PUS10: variants seen among roughly 807,000 people sequenced by gnomAD.
PUS10 encodes pseudouridine synthase 10, also known as tRNA pseudouridine synthase Pus10.
A neutral mutation model predicts 75.0 loss-of-function variants in PUS10; 59 were observed. The observed-to-expected ratio is 0.79, with a 90% confidence interval of 0.64 to 0.98. The LOEUF is 0.98. Ranked by LOEUF, PUS10 falls within the 50% of genes least tolerant of loss-of-function variation. PUS10 has a pLI of 0.00. For synonymous variants in PUS10, 219 were observed against 211.6 expected (o/e 1.03, Z -0.30); for missense variants, 650 against 614.4 (o/e 1.06, Z -0.61).
intron 10 of PUS10, among the ~76,000 whole-genome samples, chr2:60,960,899 C>G (rs1415354287): frequency 6.8e-6 from 1 of 147,856 alleles, no homozygotes; most frequent in African/African-American, 2.5e-5. Flanking sequence ...ATGAGTAAAG[C>G]TACAGTAAGG....
At chr2:61,002,958 T>C (rs1454863422) in intron 4 of PUS10, among the ~76,000 whole-genome samples, 1 of 152,194 alleles carries the variant, frequency 6.6e-6, no homozygotes, top group Admixed American at 6.5e-5. Context: ...TTAATCTGCT[T>C]ATGCTTCTCT....
chr2:60,977,931 C>T (rs1370445566), intron 4 of PUS10, among the ~76,000 whole-genome samples: 1 of 152,120 alleles, frequency 6.6e-6, no homozygotes, highest in Non-Finnish European at 1.5e-5. Context: ...AGTCTCTGCC[C>T]ATGAGCAAAC....
chr2:60,942,955 CAGGAGGCAG>C (rs1674705812), intron 17 of PUS10, among the ~76,000 whole-genome samples: 1 of 149,514 alleles, frequency 6.7e-6, no homozygotes, highest in East Asian at 2.0e-4. Context: ...AGCTTGAGCC[CAGGAGGCAG>C]AGGTTGCAGT....
At chr2:60,943,976 A>G (rs1332470019) in intron 17 of PUS10, among the ~76,000 whole-genome samples, 1 of 152,022 alleles carries the variant, frequency 6.6e-6, no homozygotes, top group Non-Finnish European at 1.5e-5. Flanking sequence ...AACAACAACA[A>G]AAAAACGCCA....
chr2:60,964,477 C>CTT (rs1558900475), intron 8 of PUS10, among the ~76,000 whole-genome samples: 1 of 152,082 alleles, frequency 6.6e-6, no homozygotes, highest in African/African-American at 2.4e-5. Context: ...TGACATGATA[C>CTT]GAGCTAAGAG....
chr2:60,959,631 C>T (rs190262994), intron 11 of PUS10, among the ~76,000 whole-genome samples: 4 of 152,134 alleles, frequency 2.6e-5, no homozygotes, highest in Non-Finnish European at 5.9e-5. Context: ...GCAAGTGATT[C>T]GCCCGCCTCA....
At chr2:61,003,233 G>A (rs1678967466) in intron 4 of PUS10, among the ~76,000 whole-genome samples, 1 of 152,094 alleles carries the variant, frequency 6.6e-6, no homozygotes, top group Non-Finnish European at 1.5e-5. Flanking sequence ...AGGCCGAGGC[G>A]GGCAGATCAC....
intron 3 of PUS10, among the ~76,000 whole-genome samples, chr2:61,007,514 A>G (rs1214053726): frequency 6.6e-6 from 1 of 152,098 alleles, no homozygotes; most frequent in Admixed American, 6.5e-5. Context: ...CACGCCTATA[A>G]TCCCAACACT....
At chr2:61,002,921 C>T (rs1021559507) in intron 4 of PUS10, among the ~76,000 whole-genome samples, 3 of 152,172 alleles carry the variant, frequency 2.0e-5, no homozygotes, top group African/African-American at 4.8e-5. Context: ...CTACTTACTA[C>T]GTCTTACTGT....
intron 4 of PUS10, among the ~76,000 whole-genome samples, chr2:60,977,196 G>A (rs949858198): frequency 6.6e-6 from 1 of 152,072 alleles, no homozygotes; most frequent in Admixed American, 6.6e-5. Context: ...CAAATAATGA[G>A]AGTGGGTGAC....
chr2:61,008,743 G>T lies in PUS10; in HGVS notation c.381+18C>A. The T allele has an allele frequency of 6.5e-7, 1 of 1,526,854 alleles. No homozygotes were observed. Among genetic ancestry groups the T allele is most frequent in the Non-Finnish European group, 8.9e-7 (1 of 1,126,336 alleles). 94.6% of individuals were successfully genotyped at this position (1,526,854 alleles called of 1,614,324 possible). A position where few individuals can be genotyped will look rare whatever the true frequency, so the allele number is the denominator to read the frequency against. On this transcript the variant is annotated intron_variant, in intron 3 of 17. Transcript: ENST00000316752. The stretch of plus-strand genomic sequence containing the variant: ...ATCTCTACATAATTGCACCTATAAT[G>T]AAAAACAGGTTATTTACCTTTTTAA...
chr2:60,978,434 A>G (rs1489046779), intron 4 of PUS10, among the ~76,000 whole-genome samples: 2 of 151,230 alleles, frequency 1.3e-5, no homozygotes, highest in East Asian at 3.9e-4. Context: ...AAAAAAAAAA[A>G]AAAAAAAAAG....
At chr2:60,954,433 T>A (rs1376153983) in intron 12 of PUS10, among the ~76,000 whole-genome samples, 2 of 152,230 alleles carry the variant, frequency 1.3e-5, no homozygotes, top group Non-Finnish European at 1.5e-5. Flanking sequence ...ACAGTTTAAA[T>A]AACCACTAAT....
chr2:61,014,976 G>A (rs938265998), intron 1 of PUS10, among the ~76,000 whole-genome samples: 1 of 152,142 alleles, frequency 6.6e-6, no homozygotes, highest in African/African-American at 2.4e-5. Flanking sequence ...CAGTTCAGCA[G>A]CCAGGACTAC....
intron 4 of PUS10, among the ~76,000 whole-genome samples, chr2:60,995,837 T>G (rs1168185231): frequency 6.6e-6 from 1 of 152,212 alleles, no homozygotes; most frequent in Non-Finnish European, 1.5e-5. Context: ...AAACTTCAAA[T>G]CTTTGAGGCT....
intron 8 of PUS10, 44 bp downstream of exon 8, chr2:60,965,014 A>G: frequency 2.5e-6 from 4 of 1,574,494 alleles, no homozygotes; most frequent in Non-Finnish European, 3.5e-6. Context: ...TATTCAGCTC[A>G]GACAAAACTC....
chr2:60,985,509 C>CT (rs897441931), intron 4 of PUS10, among the ~76,000 whole-genome samples: 34 of 150,762 alleles, frequency 2.3e-4, no homozygotes, highest in African/African-American at 7.8e-4. Context: ...TTTTTTCTCT[C>CT]TTTTTTTTTG....
intron 6 of PUS10, 137 bp downstream of exon 6, chr2:60,967,365 A>T: frequency 1.7e-6 from 1 of 591,194 alleles, no homozygotes. Flanking sequence ...ATCAGAATTT[A>T]ACATTTTAAA....
chr2:60,968,202 C>T (rs1676457176), intron 5 of PUS10, among the ~76,000 whole-genome samples: 1 of 152,122 alleles, frequency 6.6e-6, no homozygotes. Flanking sequence ...AAAATATACT[C>T]ATGAGACAAT....
Sources: gnomAD v4.1 joint callset for allele counts (sites outside exome capture counted in the v4.1 genomes callset) on GRCh38, gnomAD v4.1.1 for gene constraint, MANE v1.5 for transcripts, NCBI Gene and HGNC (gene_info 2026-07-23, HGNC 2026-07-21) for gene names.